Variants in EIPR1 observed in about 807,000 individuals in gnomAD.
EIPR1 encodes the protein EARP complex and GARP complex interacting protein 1.
A neutral mutation model predicts 48.1 loss-of-function variants in EIPR1; 25 were observed. That is an observed-to-expected ratio of 0.52 (90% CI 0.38 to 0.73). The LOEUF (loss-of-function observed/expected upper bound fraction) is 0.73. EIPR1 is among the 30% of genes least tolerant of loss of function. The probability of loss-of-function intolerance (pLI) is 0.00; values close to 1 mark genes in which losing one functional copy is unlikely to be tolerated. For synonymous variants in EIPR1, 204 were observed against 201.9 expected (o/e 1.01, Z -0.09); for missense variants, 415 against 506.2 (o/e 0.82, Z 1.73).
At chr2:3,253,398 G>C (rs1350569929) in intron 4 of EIPR1, among the ~76,000 whole-genome samples, 1 of 152,102 alleles carries the variant, frequency 6.6e-6, no homozygotes, top group East Asian at 1.9e-4. Context: ...GAGGGCCGTG[G>C]TCACTCATAT....
intron 4 of EIPR1, among the ~76,000 whole-genome samples, chr2:3,251,965 A>G (rs1667012372): frequency 6.6e-6 from 1 of 152,168 alleles, no homozygotes; most frequent in Admixed American, 6.5e-5. Flanking sequence ...GGAGTGAGTA[A>G]TTCCAGATAC....
chr2:3,355,685 C>T (rs558168081), intron 1 of EIPR1, among the ~76,000 whole-genome samples: 17 of 151,886 alleles, frequency 1.1e-4, no homozygotes, highest in African/African-American at 3.6e-4. Context: ...AATGGTGGCT[C>T]GTGCCTGTTG....
intron 3 of EIPR1, among the ~76,000 whole-genome samples, chr2:3,270,161 G>A (rs1361495063): frequency 6.6e-6 from 1 of 152,230 alleles, no homozygotes; most frequent in Admixed American, 6.5e-5. Context: ...CCAGGACTTG[G>A]AAAGCACAAA....
At chr2:3,193,530 A>G (rs1298503913) in intron 7 of EIPR1, among the ~76,000 whole-genome samples, 1 of 152,242 alleles carries the variant, frequency 6.6e-6, no homozygotes, top group East Asian at 1.9e-4. Context: ...TACCCAGCAC[A>G]TGAAAAACAT....
At chr2:3,214,010 C>G in intron 5 of EIPR1, 139 bp downstream of exon 5, 1 of 636,004 alleles carries the variant, frequency 1.6e-6, no homozygotes, top group Non-Finnish European at 2.6e-6. Flanking sequence ...TCCCCCAACC[C>G]CACGACAGGC....
intron 1 of EIPR1, among the ~76,000 whole-genome samples, chr2:3,372,770 G>T (rs1480662834): frequency 6.6e-6 from 1 of 152,204 alleles, no homozygotes; most frequent in African/African-American, 2.4e-5. Flanking sequence ...TCCAGGACCA[G>T]ATGGATTCAC....
intron 1 of EIPR1, among the ~76,000 whole-genome samples, chr2:3,374,637 C>G (rs1215202887): frequency 5.9e-5 from 9 of 151,672 alleles, no homozygotes; most frequent in Non-Finnish European, 1.2e-4. Context: ...AAATGCTCAT[C>G]ATCACTGGCC....
At chr2:3,192,945 G>A (rs1236994530) in intron 7 of EIPR1, among the ~76,000 whole-genome samples, 10 of 152,184 alleles carry the variant, frequency 6.6e-5, no homozygotes, top group Non-Finnish European at 1.5e-4. Flanking sequence ...CAAGTCTCAC[G>A]GCATCTTCCC....
intron 3 of EIPR1, among the ~76,000 whole-genome samples, chr2:3,271,660 T>C (rs1667705780): frequency 6.6e-6 from 1 of 152,332 alleles, no homozygotes; most frequent in South Asian, 2.1e-4. Context: ...TATGAACAGA[T>C]GTGCTGTCAT....
chr2:3,198,319 G>A (rs369658377), intron 5 of EIPR1, among the ~76,000 whole-genome samples: 29 of 152,316 alleles, frequency 1.9e-4, no homozygotes, highest in African/African-American at 6.0e-4. Context: ...CTATGCAAAT[G>A]GGCTGTGCGA....
intron 4 of EIPR1, among the ~76,000 whole-genome samples, chr2:3,215,367 A>G (rs1402410761): frequency 6.6e-6 from 1 of 152,216 alleles, no homozygotes; most frequent in Admixed American, 6.5e-5. Context: ...AGCAGGGCAG[A>G]GGAGCTGCCA....
At chr2:3,349,529 G>A (rs1328547092) in intron 2 of EIPR1, among the ~76,000 whole-genome samples, 1 of 152,260 alleles carries the variant, frequency 6.6e-6, no homozygotes, top group Non-Finnish European at 1.5e-5. Context: ...GGGATAAGGA[G>A]GACGCTGGGA....
chr2:3,299,384 G>C (rs79979282), intron 3 of EIPR1, among the ~76,000 whole-genome samples: 8 of 152,060 alleles, frequency 5.3e-5, no homozygotes, highest in Non-Finnish European at 1.0e-4. Flanking sequence ...CAGCGACTCT[G>C]CTTGGGGCTC....
chr2:3,243,585 C>T (rs577337812), intron 4 of EIPR1, among the ~76,000 whole-genome samples: 10 of 152,184 alleles, frequency 6.6e-5, no homozygotes, highest in South Asian at 2.1e-4. Context: ...GAGCCGAGAT[C>T]GCGCCACTGC....
chr2:3,250,362 C>T (rs4493298), intron 4 of EIPR1, among the ~76,000 whole-genome samples: 87,338 of 152,146 alleles, frequency 0.57, 25,425 homozygotes, highest in East Asian at 0.75. Flanking sequence ...TGCTGCCCCT[C>T]TGTTTTGGCT....
At chr2:3,196,745 T>C in intron 6 of EIPR1, 136 bp downstream of exon 6, 1 of 1,316,002 alleles carries the variant, frequency 7.6e-7, no homozygotes, top group Non-Finnish European at 1.0e-6. Flanking sequence ...AGATTTATGA[T>C]TTCCTACAAA....
At position 3,194,035 on chromosome 2, in the gene EIPR1, G is replaced by A; in HGVS notation, c.785C>T (p.Thr262Ile). The change falls in exon 7 of 9, where the codon ACC becomes ATC. Residue 262 changes from threonine (T) to isoleucine (I), a missense_variant. Physicochemically the swap from Thr to Ile is moderately conservative, Grantham distance 89 (BLOSUM62 -1). Coordinates refer to ENST00000382125, the MANE Select transcript of EIPR1 (RefSeq NM_003310.5). The part of the protein sequence containing the change: ...KVKFWDTRNV[T>I]EPVKTLEEHS... ...CTCCTCCAGGGTCTTCACGGGTTCG[G>A]TGACATTTCGGGTGTCCCAGAACTT... 1 of 1,613,876 alleles carries A rather than the reference G, an allele frequency of 6.2e-7. No homozygotes were observed. The highest frequency in any genetic ancestry group is 1.7e-4 in the Middle Eastern group (1 of 6,058).
At chr2:3,228,905 C>A (rs1318260061) in intron 4 of EIPR1, among the ~76,000 whole-genome samples, 1 of 152,230 alleles carries the variant, frequency 6.6e-6, no homozygotes, top group Non-Finnish European at 1.5e-5. Context: ...CAATGTGGAA[C>A]TGTGAGTTAA....
At chr2:3,237,836 A>G (rs1666463118) in intron 4 of EIPR1, among the ~76,000 whole-genome samples, 2 of 152,196 alleles carry the variant, frequency 1.3e-5, no homozygotes, top group Non-Finnish European at 2.9e-5. Flanking sequence ...AACAGTCAAC[A>G]CTGAGAACAG....
Sources: allele counts gnomAD v4.1 joint callset (sites outside exome capture counted in the v4.1 genomes callset), GRCh38; gene constraint gnomAD v4.1.1; transcripts MANE v1.5; gene names NCBI Gene and HGNC (gene_info 2026-07-23, HGNC 2026-07-21).